Variants in DAB1 observed in about 807,000 individuals in gnomAD.
The protein encoded by DAB1 is DAB adaptor protein 1.
DAB1 carries 15 observed loss-of-function variants against 64.6 expected under a neutral mutation model. That is an observed-to-expected ratio of 0.23 (90% CI 0.16 to 0.36). DAB1 has a LOEUF of 0.36. Among genes scored for constraint, DAB1 ranks in the 10% least tolerant of loss-of-function variants. The pLI, the probability that DAB1 is intolerant of heterozygous loss-of-function variation, is 1.00. For missense variants in DAB1, 596 were observed against 706.7 expected, an observed-to-expected ratio of 0.84 and a Z score of 1.78; for synonymous variants, 235 against 251.9, an observed-to-expected ratio of 0.93 and a Z score of 0.64.
chr1:58,176,464 T>C (rs1035486821), intron 4 of DAB1, among the ~76,000 whole-genome samples: 12 of 152,302 alleles, frequency 7.9e-5, no homozygotes, highest in African/African-American at 2.6e-4. Context: ...TATAACAGAA[T>C]ACCTGGGACT....
At chr1:57,574,082 A>G (rs1465821215) in intron 7 of DAB1, among the ~76,000 whole-genome samples, 1 of 152,240 alleles carries the variant, frequency 6.6e-6, no homozygotes, top group African/African-American at 2.4e-5. Flanking sequence ...CCAGAAGTCC[A>G]TATTGCAATA....
At chr1:57,210,979 T>C (rs910790804) in intron 2 of DAB1, among the ~76,000 whole-genome samples, 2 of 152,218 alleles carry the variant, frequency 1.3e-5, no homozygotes, top group Non-Finnish European at 2.9e-5. Flanking sequence ...TCTAATCTGG[T>C]ATTGATAAGA....
chr1:57,738,932 G>A (rs76412197), intron 6 of DAB1, among the ~76,000 whole-genome samples: 1,876 of 152,274 alleles, frequency 0.012, 54 homozygotes, highest in African/African-American at 0.043. Flanking sequence ...CTAAAAGGAG[G>A]AGAATGCCCT....
chr1:57,015,427 G>A lies in DAB1; in HGVS notation c.900C>T (p.Tyr300=), dbSNP rs779410633. ...ACGGGAGGACAGCGCCCATTGCAAC[G>A]TAACCTGGGAGAATGAAAAAGGAGA... is the stretch of plus-strand genomic sequence containing the variant. The part of the protein sequence containing the change: ...PFGTAAVPSG[Y]VAMGAVLPSF... Residue 300 remains tyrosine (Y), a synonymous_variant, in exon 12 of 15, where the codon TAC becomes TAT. Coordinates refer to ENST00000371236, the MANE Select transcript of DAB1 (RefSeq NM_001365792.1). 24 of 1,603,794 alleles carry A rather than the reference G, an allele frequency of 1.5e-5. No homozygotes were observed. Among genetic ancestry groups the A allele is most frequent in the Admixed American group, 6.8e-5 (4 of 58,608 alleles).
intron 7 of DAB1, among the ~76,000 whole-genome samples, chr1:57,572,410 C>A (rs576558822): frequency 6.6e-6 from 1 of 152,266 alleles, no homozygotes. Context: ...CAAGCACATA[C>A]CCAATTTAAG....
chr1:57,857,921 T>A (rs1653832214), intron 1 of DAB1, among the ~76,000 whole-genome samples: 2 of 144,368 alleles, frequency 1.4e-5, no homozygotes, highest in African/African-American at 2.6e-5. Flanking sequence ...TTCTTATTTT[T>A]AAAATTTAAA....
intron 4 of DAB1, among the ~76,000 whole-genome samples, chr1:58,156,041 CT>C (rs1425315578): frequency 3.3e-5 from 5 of 152,178 alleles, no homozygotes; most frequent in African/African-American, 1.2e-4. Flanking sequence ...AAGTGCAAGT[CT>C]TTTTGTTTCA....
chr1:58,216,525 A>T (rs1658864895), intron 4 of DAB1, among the ~76,000 whole-genome samples: 1 of 152,228 alleles, frequency 6.6e-6, no homozygotes, highest in Non-Finnish European at 1.5e-5. Context: ...AATGATTTAC[A>T]ACCCTTTGGG....
chr1:57,921,638 G>A (rs1280837692), intron 5 of DAB1, among the ~76,000 whole-genome samples: 1 of 151,758 alleles, frequency 6.6e-6, no homozygotes, highest in South Asian at 2.1e-4. Context: ...TGCCACCTCT[G>A]CCGCCACCAT....
At chr1:57,714,673 C>T (rs770834895) in intron 6 of DAB1, among the ~76,000 whole-genome samples, 32 of 152,166 alleles carry the variant, frequency 2.1e-4, no homozygotes, top group African/African-American at 5.5e-4. Context: ...AGAGAATGAC[C>T]GGGAAAATGA....
chr1:57,278,761 T>C (rs949297475), intron 2 of DAB1, among the ~76,000 whole-genome samples: 12 of 152,080 alleles, frequency 7.9e-5, no homozygotes, highest in African/African-American at 2.9e-4. Flanking sequence ...TTGCGCAAGG[T>C]GTTTAGAAGG....
intron 2 of DAB1, among the ~76,000 whole-genome samples, chr1:57,164,529 A>G (rs895919470): frequency 6.6e-6 from 1 of 152,006 alleles, no homozygotes; most frequent in Non-Finnish European, 1.5e-5. Flanking sequence ...AGCTGTGTTG[A>G]TTAGGGACAG....
intron 1 of DAB1, among the ~76,000 whole-genome samples, chr1:57,389,962 T>G (rs1250854892): frequency 6.6e-6 from 1 of 152,222 alleles, no homozygotes; most frequent in East Asian, 1.9e-4. Context: ...GTCAAGTAAT[T>G]TGCTCAAAGC....
chr1:58,446,338 A>G (rs1042314280), intron 3 of DAB1, among the ~76,000 whole-genome samples: 2 of 152,226 alleles, frequency 1.3e-5, no homozygotes, highest in Non-Finnish European at 2.9e-5. Context: ...ATTAGATAAG[A>G]GTACCTAGTA....
intron 2 of DAB1, among the ~76,000 whole-genome samples, chr1:57,157,570 AAGAG>A (rs34642210): frequency 1.1e-3 from 156 of 147,950 alleles, no homozygotes; most frequent in Admixed American, 1.2e-3. Flanking sequence ...TGCACTGAGA[AAGAG>A]AGAGAGAGAG....
chr1:57,162,763 T>A (rs1399214751), intron 2 of DAB1, among the ~76,000 whole-genome samples: 1 of 152,156 alleles, frequency 6.6e-6, no homozygotes, highest in African/African-American at 2.4e-5. Context: ...TAAACAAGAG[T>A]GCTGTGTTAT....
chr1:57,476,437 C>T (rs1206847474), intron 7 of DAB1, among the ~76,000 whole-genome samples: 1 of 151,974 alleles, frequency 6.6e-6, no homozygotes, highest in African/African-American at 2.4e-5. Flanking sequence ...AAAGTAATCA[C>T]CCCTTCTACT....
intron 4 of DAB1, among the ~76,000 whole-genome samples, chr1:58,341,071 A>G (rs897857832): frequency 2.0e-5 from 3 of 152,152 alleles, no homozygotes; most frequent in African/African-American, 7.2e-5. Context: ...AGCTAATGTT[A>G]GTGTATTATT....
At chr1:58,217,894 C>A (rs1436284256) in intron 4 of DAB1, among the ~76,000 whole-genome samples, 1 of 152,076 alleles carries the variant, frequency 6.6e-6, no homozygotes, top group Non-Finnish European at 1.5e-5. Flanking sequence ...ATCAATCAAT[C>A]ATCAATCAGT....
Sources: gnomAD v4.1 joint callset for allele counts (sites outside exome capture counted in the v4.1 genomes callset) on GRCh38, gnomAD v4.1.1 for gene constraint, MANE v1.5 for transcripts, NCBI Gene and HGNC (gene_info 2026-07-23, HGNC 2026-07-21) for gene names.